SLC35E4: variants seen among roughly 807,000 people sequenced by gnomAD.
The protein encoded by SLC35E4 is solute carrier family 35 member E4, also known as solute carrier family 35, member E4.
In SLC35E4, 15 loss-of-function variants were observed where a neutral mutation model predicts 19.3. The observed-to-expected ratio is 0.78, with a 90% CI of 0.52 to 1.20. SLC35E4 has a LOEUF of 1.20. SLC35E4 is among the 50% of genes most tolerant of loss of function. The probability of loss-of-function intolerance (pLI) is 0.00; values close to 1 mark genes in which losing one functional copy is unlikely to be tolerated. For missense variants in SLC35E4, 406 were observed against 472.3 expected (o/e 0.86, Z 1.30); for synonymous variants, 219 against 219.9 (o/e 1.00, Z 0.04).
At chr22:30,663,887 G>A (rs1052205853), downstream of SLC35E4, 3 of 1,614,222 alleles carry the variant, frequency 1.9e-6, no homozygotes, top group Non-Finnish European at 1.7e-6. Flanking sequence ...TAGACAGCAT[G>A]AGCTTGTTGT....
At chr22:30,667,913 CT>C, downstream of SLC35E4, 1 of 152,648 alleles carries the variant, frequency 6.6e-6, no homozygotes, top group East Asian at 1.9e-4. Context: ...GCCCCGCCCC[CT>C]TATGCGTCTC....
intron 1 of SLC35E4, among the ~76,000 whole-genome samples, chr22:30,639,583 C>T (rs2088004575): frequency 6.6e-6 from 1 of 152,148 alleles, no homozygotes; most frequent in Non-Finnish European, 1.5e-5. Context: ...GGCCGCCCCC[C>T]AGAAGCAGCC....
At chr22:30,657,391 G>A (rs1373370438) in intron 2 of SLC35E4, among the ~76,000 whole-genome samples, 4 of 149,756 alleles carry the variant, frequency 2.7e-5, no homozygotes, top group South Asian at 2.1e-4. Flanking sequence ...CCCAGGAGGC[G>A]GAGGTTGCAG....
At chr22:30,641,468 G>A (rs1471758213) in intron 1 of SLC35E4, among the ~76,000 whole-genome samples, 2 of 152,218 alleles carry the variant, frequency 1.3e-5, no homozygotes, top group East Asian at 3.8e-4. Flanking sequence ...CAGATTTGGG[G>A]CAATTCTATG....
chr22:30,635,968 G>C lies in SLC35E4; in HGVS notation c.-483G>C, dbSNP rs111351288. The C allele has an allele frequency of 5.2e-5, 8 of 153,014 alleles. No individual in the cohort carries two copies. The highest frequency in any genetic ancestry group is 1.9e-4 in the African/African-American group (8 of 41,590). The allele number at this position is 153,014 out of a possible 1,614,324, so 9.5% of individuals were successfully genotyped here. A position where few individuals can be genotyped will look rare whatever the true frequency, so the allele number is the denominator to read the frequency against. On this transcript the variant is annotated 5_prime_UTR_variant, in exon 1 of 2. Coordinates refer to ENST00000343605, the MANE Select transcript of SLC35E4 (RefSeq NM_001001479.4). ...GCGCTGTGGGAGGCAGCGAGCCCGC[G>C]ACCCCCCGGGCCGGGCACCGCCAGG...
At position 30,636,710 on chromosome 22, in the gene SLC35E4, T is replaced by A; in HGVS notation, c.260T>A (p.Met87Lys). 6.2e-7 allele frequency: 1 copy of A among 1,611,768 alleles called. No homozygotes were observed. Among genetic ancestry groups the A allele is most frequent in the East Asian group, 2.2e-5 (1 of 44,828 alleles). Residue 87 changes from methionine (M) to lysine (K), a missense_variant, in exon 1 of 2, where the codon ATG (methionine) becomes AAG (lysine). Transcript: ENST00000343605. ...GRPLLLSALH[M>K]LVAALACHRG... Reference sequence around the variant, plus strand: ...CCCCTGCTGCTGTCGGCCCTGCACATGCTGGTGGCAGCCCTGGCATGCCAC... The same window carrying A: ...CCCCTGCTGCTGTCGGCCCTGCACAAGCTGGTGGCAGCCCTGGCATGCCAC...
rs867693916 is a variant in SLC35E4 at position 30,636,856 on chromosome 22, G to A, written c.406G>A (p.Ala136Thr). The A allele has an allele frequency of 6.2e-7, 1 of 1,612,986 alleles. No individual in the cohort carries two copies. The highest frequency in any genetic ancestry group is 1.3e-5 in the African/African-American group (1 of 75,050). Reference sequence around the variant, plus strand: ...CCTAAGGGCTGTGCCCCTGGACCTGGCACAACTGGTTACTACCACCACACC... The same window carrying A: ...CCTAAGGGCTGTGCCCCTGGACCTGACACAACTGGTTACTACCACCACACC... ...VGLRAVPLDL[A>T]QLVTTTTPLF... Residue 136 changes from alanine (A) to threonine (T), a missense_variant, in exon 1 of 2, where the codon GCA becomes ACA. By Grantham distance (58) the Ala-to-Thr change is moderately conservative. Coordinates refer to ENST00000343605, the MANE Select transcript of SLC35E4 (RefSeq NM_001001479.4).
rs754377259 is a variant in SLC35E4 at position 30,636,703 on chromosome 22, C to A, written c.253C>A (p.Leu85Met). Residue 85 changes from leucine (L) to methionine (M), a missense_variant, in exon 1 of 2, where the codon CTG (leucine) becomes ATG (methionine). Coordinates refer to ENST00000343605, the MANE Select transcript of SLC35E4 (RefSeq NM_001001479.4). ...GFGRPLLLSA[L>M]HMLVAALACH... ...TGGGCGGCCCCTGCTGCTGTCGGCC[C>A]TGCACATGCTGGTGGCAGCCCTGGC... The A allele has an allele frequency of 9.9e-6, 16 of 1,611,180 alleles. No individual in the cohort carries two copies. The highest frequency in any genetic ancestry group is 1.4e-5 in the Non-Finnish European group (16 of 1,178,358).
intron 2 of SLC35E4, chr22:30,654,734 G>T: frequency 1.7e-5 from 5 of 292,108 alleles, no homozygotes; most frequent in South Asian, 6.5e-5. Context: ...ACCACCTTCC[G>T]GCCTGCTTAG....
At position 30,647,009 on chromosome 22, in the gene SLC35E4, A is replaced by C. The variant is rs1446333006; in HGVS notation, c.1031A>C (p.Asp344Ala). 1.2e-6 allele frequency: 2 copies of C among 1,608,376 alleles called. No individual in the cohort carries two copies. Among genetic ancestry groups the C allele is most frequent in the South Asian group, 1.1e-5 (1 of 90,364 alleles). ...GCCCGTCGGGGGCTGTGGCGGAGGG[A>C]CCAGCCCAGCAAGGGTCTTTGAGAC... ...WAARRGLWRR[D>A]QPSKGL The change falls in exon 2 of 2, where the codon GAC (aspartate) becomes GCC (alanine). Residue 344 changes from aspartate to alanine, a missense_variant. Asp to Ala is a moderately radical substitution (Grantham distance 126). Coordinates refer to ENST00000343605, the MANE Select transcript of SLC35E4 (RefSeq NM_001001479.4).
chr22:30,649,429 G>GT (rs1426956837), downstream of SLC35E4, among the ~76,000 whole-genome samples: 4 of 152,210 alleles, frequency 2.6e-5, no homozygotes, highest in Non-Finnish European at 5.9e-5. Flanking sequence ...ACCAGAATTC[G>GT]TAAGGGACCA....
intron 2 of SLC35E4, among the ~76,000 whole-genome samples, chr22:30,655,020 C>T (rs2088306058): frequency 6.6e-6 from 1 of 152,134 alleles, no homozygotes; most frequent in Admixed American, 6.5e-5. Flanking sequence ...GCAGAGGGAG[C>T]AGTAGGATTA....
At chr22:30,637,126 G>A in intron 1 of SLC35E4, 57 bp downstream of exon 1, 1 of 1,518,222 alleles carries the variant, frequency 6.6e-7, no homozygotes, top group Non-Finnish European at 8.8e-7. Context: ...GCATGGCCTG[G>A]ATGGCCCTGT....
At chr22:30,642,762 G>T (rs1364075146) in intron 1 of SLC35E4, among the ~76,000 whole-genome samples, 1 of 149,316 alleles carries the variant, frequency 6.7e-6, no homozygotes, top group Non-Finnish European at 1.5e-5. Context: ...AGGCACGGTG[G>T]TTCACACCTG....
At chr22:30,665,289 G>A (rs2088608348), downstream of SLC35E4, among the ~76,000 whole-genome samples, 1 of 152,236 alleles carries the variant, frequency 6.6e-6, no homozygotes, top group Admixed American at 6.5e-5. Context: ...GTGAGGATAA[G>A]ATGGAGCCAC....
In SLC35E4 at chr22:30,636,366, C is replaced by G; in HGVS notation, c.-85C>G. On this transcript the variant is annotated 5_prime_UTR_variant, in exon 1 of 2. It adds an upstream start codon to the 5' untranslated region. Transcript: ENST00000343605. ...GACACGGGGTCGGAGGAACCAGGATCTAGCCTGGCCCCAAGCGGAACTCTC... is the reference window on the plus strand; with the variant it reads ...GACACGGGGTCGGAGGAACCAGGATGTAGCCTGGCCCCAAGCGGAACTCTC... The G allele has an allele frequency of 2.8e-6, 4 of 1,427,282 alleles. No individual in the cohort carries two copies. The South Asian group carries it at 5.9e-5, about 21-fold the overall frequency. The allele number at this position is 1,427,282 out of a possible 1,614,324, so 88.4% of individuals were successfully genotyped here. A position where few individuals can be genotyped will look rare whatever the true frequency, so the allele number is the denominator to read the frequency against.
chr22:30,636,407 C>T lies in SLC35E4; in HGVS notation c.-44C>T, dbSNP rs1173380925. The T allele has an allele frequency of 8.3e-6, 12 of 1,443,572 alleles. No homozygotes were observed. The South Asian group carries it at 1.4e-4, about 17-fold the overall frequency. 89.4% of individuals were successfully genotyped at this position (1,443,572 alleles called of 1,614,324 possible). On this transcript the variant is annotated 5_prime_UTR_variant, in exon 1 of 2. Coordinates refer to ENST00000343605, the MANE Select transcript of SLC35E4 (RefSeq NM_001001479.4). The stretch of plus-strand genomic sequence containing the variant: ...CGGAACTCTCTGGTGGCCCAGAGGT[C>T]GTCACTGGGGAGCCCGCCTCCTGCC...
Position 30,636,864 on chromosome 22 carries a change from G to A in SLC35E4, c.414G>A (p.Leu138=), listed in dbSNP as rs752736151. 9.9e-6 allele frequency: 16 copies of A among 1,612,882 alleles called. 2 individuals carry two copies. In the South Asian group the frequency reaches 1.4e-4, roughly 14 times the overall value. ...CTGTGCCCCTGGACCTGGCACAACT[G>A]GTTACTACCACCACACCTCTGTTCA... ...LRAVPLDLAQ[L]VTTTTPLFTL... is the part of the protein sequence containing the mutation. The change falls in exon 1 of 2, where the codon CTG becomes CTA. Residue 138 remains leucine (L), a synonymous_variant. Coordinates refer to ENST00000343605, the MANE Select transcript of SLC35E4 (RefSeq NM_001001479.4).
At chr22:30,658,376 A>C (rs1004981162) in intron 2 of SLC35E4, among the ~76,000 whole-genome samples, 1 of 126,876 alleles carries the variant, frequency 7.9e-6, no homozygotes, top group Non-Finnish European at 1.7e-5. Context: ...CTGTCTCTAG[A>C]AAAAAAAAAA....
Sources: allele counts gnomAD v4.1 joint callset (sites outside exome capture counted in the v4.1 genomes callset), GRCh38; gene constraint gnomAD v4.1.1; transcripts MANE v1.5; gene names NCBI Gene and HGNC (gene_info 2026-07-23, HGNC 2026-07-21).